Variants in KCTD9 observed in about 807,000 individuals in gnomAD.
KCTD9 encodes the protein BTB/POZ domain-containing protein KCTD9.
In KCTD9, 17 loss-of-function variants were observed where a neutral mutation model predicts 53.3. That is an observed-to-expected ratio of 0.32 (90% CI 0.22 to 0.48). The LOEUF (loss-of-function observed/expected upper bound fraction) is 0.48, where lower values mean the gene tolerates loss of function less well. Among genes scored for constraint, KCTD9 ranks in the 20% least tolerant of loss-of-function variants. The pLI is 0.99. For synonymous variants in KCTD9, 128 were observed against 162.7 expected (o/e 0.79, Z 1.62); for missense variants, 179 against 465.5 (o/e 0.38, Z 5.66).
rs768125871 is a variant in KCTD9, at chr8:25,436,279, G to A, written c.619C>T (p.Arg207Ter). ...TTGGTTGGAGTTGCTAGCAAAAATCGGACAAATTCCTTTCGGGATATTGGT... is the reference window on the plus strand; with the variant it reads ...TTGGTTGGAGTTGCTAGCAAAAATCAGACAAATTCCTTTCGGGATATTGGT... ...HSPISRKEFVRFLLATPTKSE... is the reference protein window; with the variant it reads ...HSPISRKEFV Residue 207 changes from arginine (R) to a stop codon, truncating the protein, a stop_gained, in exon 8 of 12, where the codon CGA becomes TGA. Transcript: ENST00000221200. LOFTEE classifies it high-confidence loss of function. 1.9e-6 allele frequency: 3 copies of A among 1,612,004 alleles called. No individual in the cohort carries two copies. The highest frequency in any genetic ancestry group is 1.3e-5 in the African/African-American group (1 of 74,934).
chr8:25,447,027 A>T (rs1802225974), intron 1 of KCTD9, among the ~76,000 whole-genome samples: 1 of 152,206 alleles, frequency 6.6e-6, no homozygotes, highest in South Asian at 2.1e-4. Flanking sequence ...TCCTAACTGT[A>T]ACTATGGGTT....
At chr8:25,458,175 CG>C in intron 1 of KCTD9, 23 bp downstream of exon 1, 4 of 1,497,258 alleles carry the variant, frequency 2.7e-6, no homozygotes, top group Middle Eastern at 2.4e-4. Flanking sequence ...CCCGGCCCGC[CG>C]CGCCCCCTCA....
chr8:25,429,464 T>C lies in KCTD9; in HGVS notation c.*393A>G, dbSNP rs1435261269. The C allele has an allele frequency of 6.3e-6, 1 of 157,726 alleles. No homozygotes were observed. Among genetic ancestry groups the C allele is most frequent in the Non-Finnish European group, 1.4e-5 (1 of 71,376 alleles). The allele number at this position is 157,726 out of a possible 1,614,324, so 9.8% of individuals were successfully genotyped here. On this transcript the variant is annotated 3_prime_UTR_variant, in exon 12 of 12. Coordinates refer to ENST00000221200, the MANE Select transcript of KCTD9 (RefSeq NM_017634.4). ...ACTGCATCTAGGAATTCAATAAATA[T>C]AATTGCATATGTTGTGCTTTCCATA...
At chr8:25,452,972 G>A (rs1802356182) in intron 1 of KCTD9, among the ~76,000 whole-genome samples, 1 of 152,082 alleles carries the variant, frequency 6.6e-6, no homozygotes, top group Admixed American at 6.5e-5. Flanking sequence ...TTTGAGACCA[G>A]TCTGGGCAAT....
intron 1 of KCTD9, among the ~76,000 whole-genome samples, chr8:25,447,855 A>T (rs928651824): frequency 1.3e-5 from 2 of 152,188 alleles, no homozygotes; most frequent in African/African-American, 4.8e-5. Context: ...GGCCAGGTAC[A>T]ATGGCTCATG....
At chr8:25,430,045 A>G in intron 11 of KCTD9, 72 bp from the exon 12 acceptor site, 1 of 848,412 alleles carries the variant, frequency 1.2e-6, no homozygotes, top group Non-Finnish European at 2.0e-6. Flanking sequence ...GCTCAAAATG[A>G]TTTCTGGGGC....
intron 3 of KCTD9, among the ~76,000 whole-genome samples, chr8:25,440,978 C>T (rs1410994451): frequency 6.6e-6 from 1 of 152,132 alleles, no homozygotes; most frequent in Non-Finnish European, 1.5e-5. Context: ...GACTTCATTG[C>T]TTAATAAGTC....
intron 10 of KCTD9, among the ~76,000 whole-genome samples, chr8:25,432,917 T>C (rs547466525): frequency 5.9e-5 from 9 of 152,144 alleles, no homozygotes; most frequent in Non-Finnish European, 8.8e-5. Flanking sequence ...CTCCTAAATA[T>C]ACAAGTAAAC....
chr8:25,433,784 A>G (rs141771411), intron 9 of KCTD9, among the ~76,000 whole-genome samples: 41 of 152,322 alleles, frequency 2.7e-4, no homozygotes, highest in African/African-American at 8.7e-4. Flanking sequence ...CATGACAATG[A>G]AACAGTCAAA....
At chr8:25,451,073 C>T (rs1018402993) in intron 1 of KCTD9, among the ~76,000 whole-genome samples, 4 of 152,150 alleles carry the variant, frequency 2.6e-5, no homozygotes, top group Non-Finnish European at 4.4e-5. Context: ...GGCCAATATA[C>T]TTGTTTTCAC....
In KCTD9 at chr8:25,433,499, A is replaced by C. The variant is rs576626201; in HGVS notation, c.814-64T>G. The stretch of plus-strand genomic sequence containing the variant: ...TAATTTTGTTCAAATTAGCTCAAAC[A>C]GTAAAAGAAAAAAAATAGAAAAGAG... On this transcript the variant is annotated intron_variant, in intron 9 of 11. Coordinates refer to ENST00000221200, the MANE Select transcript of KCTD9 (RefSeq NM_017634.4). 3.8e-5 allele frequency: 29 copies of C among 772,884 alleles called. 1 individual carries two copies. In the African/African-American group the frequency reaches 4.6e-4, roughly 12 times the overall value. 47.9% of individuals were successfully genotyped at this position (772,884 alleles called of 1,614,324 possible).
chr8:25,437,632 C>T (rs1481847518), intron 6 of KCTD9, among the ~76,000 whole-genome samples: 6 of 151,826 alleles, frequency 4.0e-5, no homozygotes, highest in African/African-American at 7.3e-5. Flanking sequence ...GAGCCGAGAT[C>T]GCGCCACTGC....
At chr8:25,435,258 A>C (rs1430103201) in intron 9 of KCTD9, 105 bp downstream of exon 9, 6 of 681,870 alleles carry the variant, frequency 8.8e-6, no homozygotes, top group Non-Finnish European at 1.3e-5. Flanking sequence ...TTTTCAAGTA[A>C]AAGCTCCAGT....
intron 2 of KCTD9, among the ~76,000 whole-genome samples, chr8:25,445,726 T>A (rs1399779386): frequency 6.6e-6 from 1 of 152,014 alleles, no homozygotes; most frequent in African/African-American, 2.4e-5. Flanking sequence ...ATTTATAAAG[T>A]TTTTACAAAA....
In KCTD9 at chr8:25,436,233, A is replaced by G. The variant is rs777277910; in HGVS notation, c.663+2T>C. 1.3e-6 allele frequency: 2 copies of G among 1,561,862 alleles called. No individual in the cohort carries two copies. Among genetic ancestry groups the G allele is most frequent in the Admixed American group, 3.3e-5 (2 of 59,894 alleles). ...TAATTGATGTAAAAGCCTGCTAATT[A>G]CCTGGCATCGCAGTTCTGACTTGGT... is the stretch of plus-strand genomic sequence containing the variant. On this transcript the variant is annotated splice_donor_variant, in intron 8 of 11. Coordinates refer to ENST00000221200, the MANE Select transcript of KCTD9 (RefSeq NM_017634.4). LOFTEE classifies it high-confidence loss of function.
chr8:25,435,382 A>G lies in KCTD9; in HGVS notation c.794T>C (p.Leu265Pro), dbSNP rs764479888. 1 of 1,605,018 alleles carries G rather than the reference A, an allele frequency of 6.2e-7. No individual in the cohort carries two copies. Among genetic ancestry groups the G allele is most frequent in the Admixed American group, 1.7e-5 (1 of 58,330 alleles). The stretch of plus-strand genomic sequence containing the variant: ...ACTTACGTCAAGCACTGATCCAGAG[A>G]GATCAGCTCGTTCAAGATTTGCACA... ...LCCANLERAD[L>P]SGSVLDCANL... The change falls in exon 9 of 12, where the codon CTC (leucine) becomes CCC (proline). Residue 265 changes from leucine (L) to proline (P), a missense_variant. By Grantham distance (98) the Leu-to-Pro change is moderately conservative. Coordinates refer to ENST00000221200, the MANE Select transcript of KCTD9 (RefSeq NM_017634.4).
intron 10 of KCTD9, among the ~76,000 whole-genome samples, chr8:25,433,099 A>C (rs1431515426): frequency 6.6e-6 from 1 of 152,178 alleles, no homozygotes; most frequent in Non-Finnish European, 1.5e-5. Context: ...TCCAACTAAA[A>C]CCTTATTAAA....
chr8:25,454,011 C>T (rs1020209545), intron 1 of KCTD9, among the ~76,000 whole-genome samples: 20 of 152,112 alleles, frequency 1.3e-4, no homozygotes, highest in Non-Finnish European at 5.9e-5. Context: ...GGATTCAAAC[C>T]TGGATACTTA....
chr8:25,448,430 G>A (rs1802255964), intron 1 of KCTD9, among the ~76,000 whole-genome samples: 1 of 152,198 alleles, frequency 6.6e-6, no homozygotes, highest in African/African-American at 2.4e-5. Context: ...TGTTTGGGAT[G>A]ATGACCAAGT....
Sources: allele counts gnomAD v4.1 joint callset (sites outside exome capture counted in the v4.1 genomes callset), GRCh38; gene constraint gnomAD v4.1.1; transcripts MANE v1.5; gene names NCBI Gene and HGNC (gene_info 2026-07-23, HGNC 2026-07-21).